Variants in ZMYM4 observed in about 807,000 individuals in gnomAD.
ZMYM4 encodes zinc finger MYM-type protein 4.
ZMYM4 carries 31 observed loss-of-function variants against 183.2 expected under a neutral mutation model. That is an observed-to-expected ratio of 0.17 (90% CI 0.13 to 0.23). ZMYM4 has a LOEUF of 0.23. ZMYM4 is among the 10% of genes least tolerant of loss of function. The pLI, the probability that ZMYM4 is intolerant of heterozygous loss-of-function variation, is 1.00. For synonymous variants in ZMYM4, 592 were observed against 631.2 expected (o/e 0.94, Z 0.93); for missense variants, 1,273 against 1,840.3 (o/e 0.69, Z 5.64).
At position 35,337,389 on chromosome 1, in the gene ZMYM4, C is replaced by T. The variant is rs151090065; in HGVS notation, c.85+11984C>T. Among the ~76,000 whole-genome samples the T allele has an allele frequency of 2.5e-3, 377 of 152,138 alleles. 2 individuals carry two copies. The highest frequency in any genetic ancestry group is 7.9e-3 in the African/African-American group (326 of 41,502). On this transcript the variant is annotated intron_variant, in intron 2 of 29. Coordinates refer to ENST00000314607, the MANE Select transcript of ZMYM4 (RefSeq NM_005095.3). Reference sequence around the variant, plus strand: ...ATATATATGTATATAGTAAATCCATCGTGTTCTCTATAGATTTCTTGATGT... The same window carrying T: ...ATATATATGTATATAGTAAATCCATTGTGTTCTCTATAGATTTCTTGATGT...
At chr1:35,304,461 T>C (rs78842602) in intron 1 of ZMYM4, among the ~76,000 whole-genome samples, 1 of 147,598 alleles carries the variant, frequency 6.8e-6, no homozygotes, top group African/African-American at 2.5e-5. Context: ...TTTTTTTTTC[T>C]TTTTTTTTTT....
At chr1:35,398,139 A>AT (rs1451547978) in intron 20 of ZMYM4, among the ~76,000 whole-genome samples, 1 of 152,186 alleles carries the variant, frequency 6.6e-6, no homozygotes, top group Non-Finnish European at 1.5e-5. Flanking sequence ...TGCCTTGGTT[A>AT]TGCAGTCCAG....
At chr1:35,382,514 C>G (rs1470911136) in intron 9 of ZMYM4, among the ~76,000 whole-genome samples, 4 of 150,568 alleles carry the variant, frequency 2.7e-5, no homozygotes, top group Non-Finnish European at 4.4e-5. Flanking sequence ...GTGATCCCGG[C>G]TCACTGCAAC....
intron 1 of ZMYM4, among the ~76,000 whole-genome samples, chr1:35,273,102 G>A (rs900506033): frequency 6.6e-6 from 1 of 152,126 alleles, no homozygotes; most frequent in Non-Finnish European, 1.5e-5. Flanking sequence ...GTGGGCAGTC[G>A]GAACACTTGT....
chr1:35,413,753 TGCAAG>T lies in ZMYM4; in HGVS notation c.3949-217_3949-213del, dbSNP rs1390042492. Among the ~76,000 whole-genome samples, 3 of 152,196 alleles carry T rather than the reference TGCAAG, an allele frequency of 2.0e-5. No individual in the cohort carries two copies. In the South Asian group the frequency reaches 6.2e-4, roughly 32 times the overall value. On this transcript the variant is annotated intron_variant, in intron 26 of 29. Coordinates refer to ENST00000314607, the MANE Select transcript of ZMYM4 (RefSeq NM_005095.3). ...AAAACGAAGTACAAAAACTTTACCTTGCAAGGTCAGTGCTGAAGATAATGTGTTAA... is the reference window on the plus strand; with the variant it reads ...AAAACGAAGTACAAAAACTTTACCTTGTCAGTGCTGAAGATAATGTGTTAA...
At chr1:35,320,833 TTTTG>T (rs1293843547) in intron 1 of ZMYM4, among the ~76,000 whole-genome samples, 2 of 152,196 alleles carry the variant, frequency 1.3e-5, no homozygotes, top group Non-Finnish European at 1.5e-5. Context: ...AAAAATAATC[TTTTG>T]TTTGTTTTTT....
chr1:35,280,376 AG>A (rs1640099087), intron 1 of ZMYM4, among the ~76,000 whole-genome samples: 1 of 152,030 alleles, frequency 6.6e-6, no homozygotes, highest in African/African-American at 2.4e-5. Flanking sequence ...GAGCTCAAGC[AG>A]TCCTCACACC....
At chr1:35,412,432 G>T (rs529898016) in intron 26 of ZMYM4, among the ~76,000 whole-genome samples, 1 of 152,120 alleles carries the variant, frequency 6.6e-6, no homozygotes, top group Non-Finnish European at 1.5e-5. Flanking sequence ...AGGATTCGCG[G>T]TACAGTGTTG....
In ZMYM4 at chr1:35,415,725, C is replaced by T. The variant is rs767920022; in HGVS notation, c.4309+11C>T. ...AGGAGTCAGAACCAGGTACGGGATA[C>T]TGTTTGTCAGATTTCTCTTTGAAGT... On this transcript the variant is annotated intron_variant, in intron 28 of 29. Transcript: ENST00000314607. 6.2e-7 allele frequency: 1 copy of T among 1,607,220 alleles called. No homozygotes were observed. Among genetic ancestry groups the T allele is most frequent in the South Asian group, 1.1e-5 (1 of 91,024 alleles).
Position 35,387,624 on chromosome 1 carries a change from T to C in ZMYM4, c.2263+20T>C. 6.3e-7 allele frequency: 1 copy of C among 1,591,680 alleles called. No individual in the cohort carries two copies. Among genetic ancestry groups the C allele is most frequent in the Non-Finnish European group, 8.5e-7 (1 of 1,172,856 alleles). On this transcript the variant is annotated intron_variant, in intron 13 of 29. Transcript: ENST00000314607. The stretch of plus-strand genomic sequence containing the variant: ...GTGAAGGTAAAGACAGAAGATTATC[T>C]TACCTACTGAGCATGTTGGTTGTTT...
intron 1 of ZMYM4, among the ~76,000 whole-genome samples, chr1:35,284,130 C>T (rs1274021089): frequency 6.6e-6 from 1 of 151,858 alleles, no homozygotes; most frequent in African/African-American, 2.4e-5. Flanking sequence ...GTGCCCGCCA[C>T]CGCGCCCTGC....
intron 7 of ZMYM4, among the ~76,000 whole-genome samples, chr1:35,373,285 G>A (rs887449140): frequency 6.6e-6 from 1 of 150,666 alleles, no homozygotes; most frequent in Non-Finnish European, 1.5e-5. Context: ...ACAAGGGTAG[G>A]AACTTTGTGT....
chr1:35,329,812 C>G (rs1040094611), intron 2 of ZMYM4, among the ~76,000 whole-genome samples: 1 of 152,040 alleles, frequency 6.6e-6, no homozygotes, highest in African/African-American at 2.4e-5. Context: ...CCACTGCCTC[C>G]CAAACTGCTA....
chr1:35,289,906 A>G (rs749361459), intron 1 of ZMYM4, among the ~76,000 whole-genome samples: 1 of 152,158 alleles, frequency 6.6e-6, no homozygotes, highest in Non-Finnish European at 1.5e-5. Context: ...ATTCACTTAT[A>G]TAAATTATGA....
chr1:35,371,887 A>G, intron 7 of ZMYM4, among the ~76,000 whole-genome samples: 1 of 152,228 alleles, frequency 6.6e-6, no homozygotes, highest in East Asian at 1.9e-4. Flanking sequence ...TTAAATATAT[A>G]CTGTAATTTA....
intron 16 of ZMYM4, 90 bp downstream of exon 16, chr1:35,392,442 C>A: frequency 1.4e-6 from 2 of 1,468,448 alleles, no homozygotes; most frequent in Non-Finnish European, 1.8e-6. Flanking sequence ...TATTTTCATA[C>A]ATTTGACACA....
chr1:35,307,521 A>T (rs1362326804), intron 1 of ZMYM4, among the ~76,000 whole-genome samples: 3 of 145,452 alleles, frequency 2.1e-5, no homozygotes, highest in Admixed American at 6.8e-5. Context: ...AATTATTTTT[A>T]TTATTATTAT....
At chr1:35,278,572 C>T (rs1017332497) in intron 1 of ZMYM4, among the ~76,000 whole-genome samples, 4 of 151,946 alleles carry the variant, frequency 2.6e-5, no homozygotes, top group East Asian at 1.9e-4. Flanking sequence ...ACTACAGGAG[C>T]GTGCCGCCAT....
At chr1:35,331,827 TAAATAAATAAAA>T (rs1642764933) in intron 2 of ZMYM4, among the ~76,000 whole-genome samples, 3 of 149,600 alleles carry the variant, frequency 2.0e-5, no homozygotes, top group African/African-American at 7.3e-5. Flanking sequence ...AATAAATAAA[TAAATAAATAAAA>T]TTGTGGTATC....
Sources: allele counts gnomAD v4.1 joint callset (sites outside exome capture counted in the v4.1 genomes callset), GRCh38; gene constraint gnomAD v4.1.1; transcripts MANE v1.5; gene names NCBI Gene and HGNC (gene_info 2026-07-23, HGNC 2026-07-21).